Variants in CSMD2 observed in about 807,000 individuals in gnomAD.
CSMD2 encodes CUB and Sushi multiple domains 2, also known as CUB and sushi domain-containing protein 2.
Under a neutral mutation model 398.5 loss-of-function variants are expected in CSMD2, and 130 were observed. The observed-to-expected ratio is 0.33, with a 90% confidence interval of 0.28 to 0.38. CSMD2 has a LOEUF of 0.38. Ranked by LOEUF, CSMD2 falls within the 10% of genes least tolerant of loss-of-function variation. The probability of loss-of-function intolerance (pLI) is 1.00; values close to 1 mark genes in which losing one functional copy is unlikely to be tolerated. For missense variants in CSMD2, 3,829 were observed against 4,764.9 expected (o/e 0.80, Z 5.78); for synonymous variants, 1,828 against 1,908.5 (o/e 0.96, Z 1.10).
intron 21 of CSMD2, among the ~76,000 whole-genome samples, chr1:33,711,454 A>G (rs1300524436): frequency 1.3e-5 from 2 of 152,202 alleles, no homozygotes; most frequent in African/African-American, 2.4e-5. Context: ...GAATCAACGC[A>G]TGAGATTTTA....
intron 25 of CSMD2, among the ~76,000 whole-genome samples, chr1:33,666,934 G>C (rs745826958): frequency 4.6e-5 from 7 of 152,148 alleles, no homozygotes; most frequent in Non-Finnish European, 1.0e-4. Flanking sequence ...AATGAGACCT[G>C]AAGTTTAGGT....
At chr1:33,927,568 T>C (rs1179080677) in intron 4 of CSMD2, among the ~76,000 whole-genome samples, 1 of 152,182 alleles carries the variant, frequency 6.6e-6, no homozygotes, top group Non-Finnish European at 1.5e-5. Flanking sequence ...AAGACTTCCT[T>C]GTGGTCACAT....
rs138790835 is a variant in CSMD2, at chr1:33,807,312, T to C, written c.1446+3431A>G. On this transcript the variant is annotated intron_variant, in intron 10 of 70. Coordinates refer to ENST00000373381, the MANE Select transcript of CSMD2 (RefSeq NM_001281956.2). The stretch of plus-strand genomic sequence containing the variant: ...CACATTAGGTTCTATGCTTACAGAC[T>C]GGGTGACAGGATCCGTACCCCAACC... Among the ~76,000 whole-genome samples the C allele has an allele frequency of 3.0e-3, 460 of 152,322 alleles. 3 individuals are homozygous for C. Among genetic ancestry groups the C allele is most frequent in the African/African-American group, 0.01 (429 of 41,570 alleles).
chr1:33,804,956 C>T, intron 10 of CSMD2: 1 of 710,762 alleles, frequency 1.4e-6, no homozygotes, highest in South Asian at 1.5e-5. Context: ...CTACCTGAAG[C>T]CCACCAAGGC....
rs1654477766 is a variant in CSMD2, at chr1:33,523,345, T to G, written c.10471A>C (p.Asn3491His). Residue 3491 changes from asparagine to histidine, a missense_variant, in exon 67 of 71, where the codon AAT becomes CAT. Physicochemically the swap from Asn to His is moderately conservative, Grantham distance 68. Transcript: ENST00000373381. ...GCCCAGTGATCATCTTTGAACTTAT[T>G]CATAAAGATCTCCACAGGCCCTGTA... ...QITGPVEIFM[N>H]KFKDDHWALD... The G allele has an allele frequency of 6.3e-7, 1 of 1,598,962 alleles. No homozygotes were observed. The highest frequency in any genetic ancestry group is 1.3e-5 in the African/African-American group (1 of 74,580).
chr1:33,650,261 A>G (rs746274433), intron 28 of CSMD2, among the ~76,000 whole-genome samples: 46 of 152,256 alleles, frequency 3.0e-4, no homozygotes, highest in Non-Finnish European at 6.3e-4. Context: ...TGCTGTAGGA[A>G]GTGACAGATA....
chr1:33,711,003 T>G (rs1433963543), intron 21 of CSMD2, among the ~76,000 whole-genome samples: 1 of 152,226 alleles, frequency 6.6e-6, no homozygotes, highest in East Asian at 1.9e-4. Flanking sequence ...TTTACAGTAC[T>G]TTTAAACTTA....
intron 1 of CSMD2, among the ~76,000 whole-genome samples, chr1:34,126,184 C>T (rs1462612745): frequency 2.0e-5 from 3 of 152,168 alleles, no homozygotes; most frequent in Non-Finnish European, 4.4e-5. Context: ...CTTGGACCAC[C>T]TCCAATTTAA....
chr1:33,843,749 G>A (rs1457917061), intron 6 of CSMD2, among the ~76,000 whole-genome samples: 1 of 152,232 alleles, frequency 6.6e-6, no homozygotes. Context: ...GGGAAGCACA[G>A]TGGATGGGAG....
chr1:33,891,123 C>T (rs1423109290), intron 5 of CSMD2, among the ~76,000 whole-genome samples: 3 of 151,440 alleles, frequency 2.0e-5, no homozygotes, highest in Non-Finnish European at 2.9e-5. Context: ...ACCTAAAAAA[C>T]GGGAGAAAAT....
At chr1:34,141,351 T>C (rs1639277545) in intron 1 of CSMD2, among the ~76,000 whole-genome samples, 2 of 152,096 alleles carry the variant, frequency 1.3e-5, no homozygotes, top group Non-Finnish European at 1.5e-5. Flanking sequence ...TGGGATTTGC[T>C]TGAGAAGTCA....
intron 6 of CSMD2, among the ~76,000 whole-genome samples, chr1:33,842,454 A>G (rs1245628003): frequency 2.6e-5 from 4 of 152,112 alleles, no homozygotes; most frequent in African/African-American, 9.7e-5. Flanking sequence ...CTCTACTGAG[A>G]CTTTCACAAC....
At chr1:33,716,596 A>C in intron 19 of CSMD2, 95 bp from the exon 20 acceptor site, 3 of 867,458 alleles carry the variant, frequency 3.5e-6, no homozygotes, top group Non-Finnish European at 5.5e-6. Flanking sequence ...CCAGTTTGCA[A>C]ATGTCTATCT....
At position 33,606,298 on chromosome 1, in the gene CSMD2, C is replaced by A. The variant is rs7542533; in HGVS notation, c.6344-828G>T. ...GACAGAACGTTCCTACAGTGGGAATCCTCAGTGGAAGTAGTTGGGACTGGA... is the reference window on the plus strand; with the variant it reads ...GACAGAACGTTCCTACAGTGGGAATACTCAGTGGAAGTAGTTGGGACTGGA... On this transcript the variant is annotated intron_variant, in intron 41 of 70. Coordinates refer to ENST00000373381, the MANE Select transcript of CSMD2 (RefSeq NM_001281956.2). Among the ~76,000 whole-genome samples the A allele has an allele frequency of 0.53, 80,796 of 152,122 alleles. 22,245 individuals are homozygous for A. The highest frequency in any genetic ancestry group is 0.6 in the Admixed American group (9,222 of 15,290).
chr1:33,718,367 G>A (rs2149181532), intron 19 of CSMD2, among the ~76,000 whole-genome samples: 1 of 152,310 alleles, frequency 6.6e-6, no homozygotes, highest in Middle Eastern at 3.4e-3. Context: ...TAAGTGCGTG[G>A]CCATGCACAT....
At chr1:33,972,120 G>A (rs997504636) in intron 3 of CSMD2, among the ~76,000 whole-genome samples, 3 of 152,130 alleles carry the variant, frequency 2.0e-5, no homozygotes, top group African/African-American at 4.8e-5. Flanking sequence ...CTGCAGAAAC[G>A]GACTCCCTGG....
At chr1:33,804,742 T>C (rs1340022136) in intron 10 of CSMD2, 2 of 717,306 alleles carry the variant, frequency 2.8e-6, no homozygotes, top group Admixed American at 4.0e-5. Flanking sequence ...CACCTGTATC[T>C]CACCTGTAGG....
At chr1:33,793,039 T>C (rs1654511343) in intron 10 of CSMD2, among the ~76,000 whole-genome samples, 1 of 152,250 alleles carries the variant, frequency 6.6e-6, no homozygotes, top group Non-Finnish European at 1.5e-5. Flanking sequence ...GTTTTAATCC[T>C]GCCTTCCACA....
At chr1:33,875,757 G>C (rs1349934116) in intron 5 of CSMD2, among the ~76,000 whole-genome samples, 7 of 152,186 alleles carry the variant, frequency 4.6e-5, no homozygotes, top group African/African-American at 9.7e-5. Flanking sequence ...AGGAAGATAA[G>C]AGTTGTAATT....
Sources: allele counts gnomAD v4.1 joint callset (sites outside exome capture counted in the v4.1 genomes callset), GRCh38; gene constraint gnomAD v4.1.1; transcripts MANE v1.5; gene names NCBI Gene and HGNC (gene_info 2026-07-23, HGNC 2026-07-21).